Variants in GPC3 observed in about 807,000 individuals in gnomAD.
GPC3 encodes glypican 3, also known as glypican-3.
A neutral mutation model predicts 34.4 loss-of-function variants in GPC3; 3 were observed. The observed-to-expected ratio is 0.09, with a 90% CI of 0.04 to 0.23. The LOEUF is 0.23. Ranked by LOEUF, GPC3 falls within the 10% of genes least tolerant of loss-of-function variation. GPC3 has a pLI of 1.00. For missense variants in GPC3, 351 were observed against 445.6 expected, an observed-to-expected ratio of 0.79 and a Z score of 1.91; for synonymous variants, 177 against 174.0, an observed-to-expected ratio of 1.02 and a Z score of -0.13.
At chrX:133,555,858 A>C (rs1182251391) in intron 7 of GPC3, among the ~76,000 whole-genome samples, 4 of 110,877 alleles carry the variant, frequency 3.6e-5, no homozygotes, top group Admixed American at 9.5e-5. Context: ...AAAGCCACTG[A>C]AATGATGAAT....
chrX:133,813,340 T>A lies in GPC3; in HGVS notation c.338-59164A>T, dbSNP rs1234941905. 2.7e-5 allele frequency among the ~76,000 whole-genome samples: 3 copies of A among 112,150 alleles called. No individual in the cohort carries two copies. In the South Asian group the frequency reaches 1.1e-3, roughly 42 times the overall value. On this transcript the variant is annotated intron_variant, in intron 2 of 7. Transcript: ENST00000370818. ...CCCTTAGCTAAAATGAATATCCACG[T>A]CTTATTTATAAAGTTGATCACCATT...
At chrX:133,704,289 A>T in intron 3 of GPC3, 1 of 1,030,886 alleles carries the variant, frequency 9.7e-7, no homozygotes, top group Non-Finnish European at 1.3e-6. Flanking sequence ...AAAAAAAAAA[A>T]AGGTGAAAAT....
chrX:133,863,757 G>A lies in GPC3; in HGVS notation c.337+89293C>T, dbSNP rs756361145. 5.3e-3 allele frequency among the ~76,000 whole-genome samples: 518 copies of A among 98,533 alleles called. 5 individuals carry two copies. The highest frequency in any genetic ancestry group is 0.02 in the African/African-American group (490 of 25,012). The allele number at this position is 98,533 out of a possible 115,157, so 85.6% of individuals were successfully genotyped here. On this transcript the variant is annotated intron_variant, in intron 2 of 7. Transcript: ENST00000370818. ...TGCAAGCTCCGCTTCCCGGGTTCAC[G>A]CCATTCTCCTGCCTCAGCCTCCCGA...
chrX:133,950,872 T>G (rs1337144920), intron 2 of GPC3, among the ~76,000 whole-genome samples: 1 of 110,996 alleles, frequency 9.0e-6, no homozygotes, highest in Non-Finnish European at 1.9e-5. Flanking sequence ...TTGGGTTTAT[T>G]TTTTCTAAAA....
In GPC3 at chrX:133,577,578, G is replaced by C. The variant is rs184778029; in HGVS notation, c.1573+18862C>G. 2.6e-4 allele frequency among the ~76,000 whole-genome samples: 29 copies of C among 111,141 alleles called. 1 individual carries two copies. The East Asian group carries it at 7.4e-3, about 28-fold the overall frequency. On this transcript the variant is annotated intron_variant, in intron 7 of 7. Transcript: ENST00000370818. Reference sequence around the variant, plus strand: ...AAATGAGGTGCTCTGGGGGAGTCTGGGAAACTAGCCACCCCTCAAACTATC... The same window carrying C: ...AAATGAGGTGCTCTGGGGGAGTCTGCGAAACTAGCCACCCCTCAAACTATC...
At chrX:133,625,559 A>C (rs1376191834) in intron 6 of GPC3, among the ~76,000 whole-genome samples, 1 of 111,909 alleles carries the variant, frequency 8.9e-6, no homozygotes, top group African/African-American at 3.2e-5. Context: ...GTGAACTCCC[A>C]TTCACAATTG....
At chrX:133,701,911 T>C (rs1037915771) in intron 3 of GPC3, among the ~76,000 whole-genome samples, 2 of 112,587 alleles carry the variant, frequency 1.8e-5, no homozygotes, top group African/African-American at 6.5e-5. Context: ...ATAGCATCTA[T>C]AGTTTGATAT....
Position 133,694,967 on chromosome X carries a change from G to C in GPC3, c.1167-2473C>G, listed in dbSNP as rs769538687. Reference sequence around the variant, plus strand: ...TGGAAGGGTCAAGATAAAAGTCTAAGAAAACCACAAAGAATGTGAATATAT... The same window carrying C: ...TGGAAGGGTCAAGATAAAAGTCTAACAAAACCACAAAGAATGTGAATATAT... On this transcript the variant is annotated intron_variant, in intron 4 of 7. Coordinates refer to ENST00000370818, the MANE Select transcript of GPC3 (RefSeq NM_004484.4). Among the ~76,000 whole-genome samples the C allele has an allele frequency of 3.6e-5, 4 of 111,147 alleles. No individual in the cohort carries two copies. In the East Asian group the frequency reaches 1.1e-3, roughly 32 times the overall value.
At chrX:133,859,851 C>A (rs2075927112) in intron 2 of GPC3, among the ~76,000 whole-genome samples, 1 of 111,668 alleles carries the variant, frequency 9.0e-6, no homozygotes. Context: ...GTTCTGCAGG[C>A]TGTACAAGAA....
intron 1 of GPC3, among the ~76,000 whole-genome samples, chrX:133,984,639 C>T (rs2076557505): frequency 9.0e-6 from 1 of 111,491 alleles, no homozygotes; most frequent in African/African-American, 3.3e-5. Context: ...AAAGCGATTT[C>T]GCTAACCTAT....
intron 3 of GPC3, among the ~76,000 whole-genome samples, chrX:133,710,842 A>G (rs908905473): frequency 8.9e-6 from 1 of 112,323 alleles, no homozygotes; most frequent in African/African-American, 3.2e-5. Flanking sequence ...TCTGAGCTGA[A>G]AGCAGAATCC....
intron 1 of GPC3, among the ~76,000 whole-genome samples, chrX:133,976,126 C>T (rs2076513614): frequency 8.9e-6 from 1 of 112,267 alleles, no homozygotes. Flanking sequence ...TCAGGCCAAT[C>T]CAACTGAAAA....
intron 2 of GPC3, among the ~76,000 whole-genome samples, chrX:133,798,404 G>T (rs752548765): frequency 1.8e-5 from 2 of 111,608 alleles, no homozygotes; most frequent in Non-Finnish European, 3.8e-5. Context: ...AAGGAAAGAT[G>T]GAATGGGGTA....
In GPC3 at chrX:133,662,845, T is replaced by C. The variant is rs2070738404; in HGVS notation, c.1293-995A>G. On this transcript the variant is annotated intron_variant, in intron 5 of 7. Transcript: ENST00000370818. ...AAAGAAATGAAAAGATTCCCAGGGC[T>C]TTTGCTCTCTCATTATATACTTTTT... Among the ~76,000 whole-genome samples, 3 of 111,492 alleles carry C rather than the reference T, an allele frequency of 2.7e-5. No individual in the cohort carries two copies. The South Asian group carries it at 1.2e-3, about 43-fold the overall frequency.
At chrX:133,970,526 C>T (rs1285696073) in intron 1 of GPC3, among the ~76,000 whole-genome samples, 5 of 38,786 alleles carry the variant, frequency 1.3e-4, no homozygotes, top group African/African-American at 5.9e-4. Flanking sequence ...TTTGGATAAC[C>T]AGTTAGAAAA....
chrX:133,698,832 C>T (rs1181281848), intron 4 of GPC3, among the ~76,000 whole-genome samples: 1 of 111,954 alleles, frequency 8.9e-6, no homozygotes, highest in East Asian at 2.8e-4. Flanking sequence ...CACTTCTCCT[C>T]TCTCCCTAAA....
At chrX:133,641,325 A>T (rs913061979) in intron 6 of GPC3, among the ~76,000 whole-genome samples, 3 of 109,169 alleles carry the variant, frequency 2.7e-5, no homozygotes, top group Non-Finnish European at 3.8e-5. Context: ...AAAATACAGA[A>T]ATTAGCCAGG....
intron 6 of GPC3, among the ~76,000 whole-genome samples, chrX:133,635,929 A>G (rs748472644): frequency 6.9e-4 from 77 of 111,229 alleles, no homozygotes; most frequent in Non-Finnish European, 2.3e-4. Context: ...GTTATTCTGA[A>G]CTATAAGCCC....
chrX:133,899,552 T>C (rs1395833743), intron 2 of GPC3, among the ~76,000 whole-genome samples: 2 of 111,578 alleles, frequency 1.8e-5, no homozygotes, highest in Non-Finnish European at 3.8e-5. Flanking sequence ...ATGAATCCCA[T>C]TCTACTAGAC....
Sources: allele counts gnomAD v4.1 joint callset (sites outside exome capture counted in the v4.1 genomes callset), GRCh38; gene constraint gnomAD v4.1.1; transcripts MANE v1.5; gene names NCBI Gene and HGNC (gene_info 2026-07-23, HGNC 2026-07-21).